The following KANK1 variants were observed in gnomAD, a reference collection of about 807,000 sequenced individuals.
The protein encoded by KANK1 is KN motif and ankyrin repeat domains 1.
Under a neutral mutation model 106.2 loss-of-function variants are expected in KANK1, and 109 were observed. That is an observed-to-expected ratio of 1.03 (90% CI 0.88 to 1.20). KANK1 has a LOEUF of 1.20. KANK1 is among the 50% of genes most tolerant of loss of function. The probability of loss-of-function intolerance (pLI) is 0.00; values close to 1 mark genes in which losing one functional copy is unlikely to be tolerated. For synonymous variants in KANK1, 873 were observed against 652.2 expected (o/e 1.34, Z -5.16); for missense variants, 2,399 against 1,710.7 (o/e 1.40, Z -7.10).
intron 3 of KANK1, among the ~76,000 whole-genome samples, chr9:721,838 G>T (rs1829420513): frequency 6.6e-6 from 1 of 152,226 alleles, no homozygotes; most frequent in African/African-American, 2.4e-5. Flanking sequence ...CCAGACACCA[G>T]TGAAGGCATA....
chr9:565,339 C>T (rs1439222199), intron 1 of KANK1, among the ~76,000 whole-genome samples: 1 of 152,208 alleles, frequency 6.6e-6, no homozygotes, highest in African/African-American at 2.4e-5. Context: ...TTCATGTTTG[C>T]TCCCATTCTA....
At chr9:710,709 C>G (rs919285282) in intron 2 of KANK1, 95 bp from the exon 3 acceptor site, 6 of 1,086,628 alleles carry the variant, frequency 5.5e-6, no homozygotes, top group Admixed American at 5.6e-5. Context: ...CTCTTAAAAT[C>G]ATACCAGCTT....
At chr9:573,995 T>C (rs1819885185) in intron 1 of KANK1, among the ~76,000 whole-genome samples, 1 of 152,272 alleles carries the variant, frequency 6.6e-6, no homozygotes, top group Non-Finnish European at 1.5e-5. Flanking sequence ...ATTAATGGGC[T>C]GTGCCCATCC....
upstream of KANK1, among the ~76,000 whole-genome samples, chr9:500,286 T>C (rs2058527819): frequency 6.6e-6 from 1 of 152,262 alleles, no homozygotes; most frequent in East Asian, 1.9e-4. Flanking sequence ...AATAAACAAG[T>C]GACATGTCAG....
At chr9:667,734 GT>G (rs556839095) in intron 1 of KANK1, among the ~76,000 whole-genome samples, 1 of 67,422 alleles carries the variant, frequency 1.5e-5, no homozygotes, top group Non-Finnish European at 3.0e-5. Flanking sequence ...ATTTCCAAAG[GT>G]TTTTTTGTTT....
chr9:639,580 G>T (rs190664488), intron 1 of KANK1, among the ~76,000 whole-genome samples: 16 of 152,024 alleles, frequency 1.1e-4, no homozygotes, highest in African/African-American at 3.9e-4. Context: ...GCCTCCCAAA[G>T]TTCTGGGATT....
intron 1 of KANK1, among the ~76,000 whole-genome samples, chr9:518,520 C>T (rs1313883724): frequency 2.6e-5 from 4 of 151,600 alleles, no homozygotes; most frequent in Non-Finnish European, 5.9e-5. Context: ...GTTCTAGAAT[C>T]GAAACTCTAC....
intron 1 of KANK1, among the ~76,000 whole-genome samples, chr9:609,504 C>A (rs183585808): frequency 6.6e-6 from 1 of 151,890 alleles, no homozygotes; most frequent in East Asian, 1.9e-4. Context: ...TGGCGTGCAC[C>A]CTTAGTCCCG....
chr9:719,814 G>T (rs547315243), intron 3 of KANK1, among the ~76,000 whole-genome samples: 1 of 151,880 alleles, frequency 6.6e-6, no homozygotes, highest in African/African-American at 2.4e-5. Context: ...GGCATGATCC[G>T]GGCTCACGCC....
chr9:637,242 A>G (rs1249971758), intron 1 of KANK1, among the ~76,000 whole-genome samples: 4 of 152,174 alleles, frequency 2.6e-5, no homozygotes, highest in Non-Finnish European at 5.9e-5. Flanking sequence ...TAGTCTCATT[A>G]TCTATTCACA....
intron 1 of KANK1, among the ~76,000 whole-genome samples, chr9:618,026 A>G (rs182155945): frequency 6.6e-6 from 1 of 152,136 alleles, no homozygotes; most frequent in Non-Finnish European, 1.5e-5. Flanking sequence ...CCTGCCTCCT[A>G]ATATAATTTA....
chr9:501,247 T>C (rs1013146125), upstream of KANK1, among the ~76,000 whole-genome samples: 1 of 152,198 alleles, frequency 6.6e-6, no homozygotes, highest in Non-Finnish European at 1.5e-5. Flanking sequence ...TAAAAGTTCA[T>C]TTTTAAATCC....
intron 1 of KANK1, among the ~76,000 whole-genome samples, chr9:641,870 A>G (rs1838524891): frequency 1.3e-5 from 2 of 152,196 alleles, no homozygotes; most frequent in Admixed American, 6.5e-5. Context: ...TATACGATGC[A>G]ATGGTTTTTA....
intron 1 of KANK1, among the ~76,000 whole-genome samples, chr9:561,226 A>T (rs1397308160): frequency 6.6e-6 from 1 of 152,194 alleles, no homozygotes; most frequent in Non-Finnish European, 1.5e-5. Context: ...TAAGAAGGAT[A>T]TGTTTTTCTA....
chr9:608,949 A>T (rs960288605), intron 1 of KANK1, among the ~76,000 whole-genome samples: 1 of 152,290 alleles, frequency 6.6e-6, no homozygotes, highest in African/African-American at 2.4e-5. Flanking sequence ...GAAATAACAC[A>T]TGGGCGTATA....
intron 1 of KANK1, among the ~76,000 whole-genome samples, chr9:622,734 T>G (rs139885587): frequency 2.2e-4 from 33 of 152,034 alleles, no homozygotes; most frequent in African/African-American, 7.0e-4. Flanking sequence ...AAACCCCATC[T>G]TTACTAAAAA....
intron 3 of KANK1, among the ~76,000 whole-genome samples, chr9:729,506 C>G (rs1166125155): frequency 6.6e-6 from 1 of 152,230 alleles, no homozygotes; most frequent in African/African-American, 2.4e-5. Flanking sequence ...CATCTCTATA[C>G]AGCGAGTCCT....
At chr9:599,626 C>A (rs551847394) in intron 1 of KANK1, among the ~76,000 whole-genome samples, 1 of 151,820 alleles carries the variant, frequency 6.6e-6, no homozygotes, top group East Asian at 1.9e-4. Flanking sequence ...CGTAGCTGAC[C>A]CTTGAACATC....
At chr9:503,280 G>A (rs2058600935), upstream of KANK1, among the ~76,000 whole-genome samples, 1 of 152,072 alleles carries the variant, frequency 6.6e-6, no homozygotes, top group African/African-American at 2.4e-5. Flanking sequence ...AATATCTACT[G>A]CATCCAAATG....
Sources: allele counts gnomAD v4.1 joint callset (sites outside exome capture counted in the v4.1 genomes callset), GRCh38; gene constraint gnomAD v4.1.1; transcripts MANE v1.5; gene names NCBI Gene and HGNC (gene_info 2026-07-23, HGNC 2026-07-21).